LGR5: variants seen among roughly 807,000 people sequenced by gnomAD.
The protein encoded by LGR5 is leucine-rich repeat-containing G protein-coupled receptor 5.
Under a neutral mutation model 76.7 loss-of-function variants are expected in LGR5, and 54 were observed. That is an observed-to-expected ratio of 0.70 (90% CI 0.57 to 0.88). The LOEUF is 0.88. Ranked by LOEUF, LGR5 falls within the 40% of genes least tolerant of loss-of-function variation. LGR5 has a pLI of 0.00. For missense variants in LGR5, 1,078 were observed against 1,073.3 expected (o/e 1.00, Z -0.06); for synonymous variants, 406 against 421.9 (o/e 0.96, Z 0.46).
At chr12:71,505,765 T>C (rs1409183375) in intron 2 of LGR5, among the ~76,000 whole-genome samples, 1 of 152,254 alleles carries the variant, frequency 6.6e-6, no homozygotes, top group Non-Finnish European at 1.5e-5. Context: ...ATTGTTTTAC[T>C]ACCAAAATCA....
intron 2 of LGR5, among the ~76,000 whole-genome samples, chr12:71,510,162 G>A (rs1240191173): frequency 3.3e-5 from 5 of 152,144 alleles, no homozygotes; most frequent in Admixed American, 6.5e-5. Context: ...TCATGCCCAT[G>A]AATAATCTTC....
intron 4 of LGR5, among the ~76,000 whole-genome samples, chr12:71,550,629 T>A (rs1877434071): frequency 6.6e-6 from 1 of 151,780 alleles, no homozygotes; most frequent in African/African-American, 2.4e-5. Context: ...CCCAGCTAAT[T>A]TTTTTTGTAT....
chr12:71,536,237 G>A (rs563557807), intron 4 of LGR5, among the ~76,000 whole-genome samples: 10 of 152,118 alleles, frequency 6.6e-5, no homozygotes, highest in Non-Finnish European at 1.0e-4. Flanking sequence ...AGAATCCTTC[G>A]GTTAATAATT....
chr12:71,485,252 G>A (rs1873776301), intron 1 of LGR5, among the ~76,000 whole-genome samples: 1 of 152,080 alleles, frequency 6.6e-6, no homozygotes, highest in African/African-American at 2.4e-5. Flanking sequence ...ACATATATTA[G>A]CTCAATTATT....
At chr12:71,522,135 T>C (rs111895985) in intron 2 of LGR5, among the ~76,000 whole-genome samples, 2 of 152,336 alleles carry the variant, frequency 1.3e-5, no homozygotes, top group African/African-American at 4.8e-5. Flanking sequence ...GGTTCAGTTC[T>C]AGCACCCACT....
At chr12:71,571,145 G>A (rs1321809996) in intron 11 of LGR5, 1 of 156,240 alleles carries the variant, frequency 6.4e-6, no homozygotes, top group African/African-American at 2.4e-5. Flanking sequence ...AAACAACAAT[G>A]ATTTGTCTGA....
chr12:71,484,839 T>A (rs1238875288), intron 1 of LGR5, among the ~76,000 whole-genome samples: 2 of 152,208 alleles, frequency 1.3e-5, no homozygotes, highest in African/African-American at 4.8e-5. Context: ...ACTATTTCTA[T>A]CTATGGAGAT....
intron 1 of LGR5, among the ~76,000 whole-genome samples, chr12:71,489,787 G>T (rs1395199589): frequency 6.6e-6 from 1 of 152,132 alleles, no homozygotes; most frequent in Non-Finnish European, 1.5e-5. Flanking sequence ...CTTAGGCCAG[G>T]CATGGTGGCT....
intron 12 of LGR5, among the ~76,000 whole-genome samples, chr12:71,572,093 T>G (rs1878635551): frequency 6.6e-6 from 1 of 151,768 alleles, no homozygotes; most frequent in Non-Finnish European, 1.5e-5. Flanking sequence ...CTTTTTTTTT[T>G]TTTTTCTCAA....
chr12:71,477,415 A>G (rs190024898), intron 1 of LGR5, among the ~76,000 whole-genome samples: 2 of 151,000 alleles, frequency 1.3e-5, no homozygotes, highest in African/African-American at 2.4e-5. Context: ...AGTTCTTTAA[A>G]AAAACATGAA....
At chr12:71,535,725 G>A (rs1424780196) in intron 4 of LGR5, among the ~76,000 whole-genome samples, 1 of 152,118 alleles carries the variant, frequency 6.6e-6, no homozygotes, top group Admixed American at 6.6e-5. Context: ...GAACACAGAT[G>A]TGCAGACATG....
intron 3 of LGR5, among the ~76,000 whole-genome samples, chr12:71,526,202 A>G (rs546108504): frequency 1.3e-5 from 2 of 152,236 alleles, no homozygotes; most frequent in African/African-American, 4.8e-5. Context: ...CCAATGCTGT[A>G]TGTTTATTAA....
chr12:71,512,843 T>C (rs1353142536), intron 2 of LGR5, among the ~76,000 whole-genome samples: 2 of 152,134 alleles, frequency 1.3e-5, no homozygotes, highest in African/African-American at 4.8e-5. Flanking sequence ...TCAGTAACGT[T>C]GTTGGAATGT....
intron 15 of LGR5, 104 bp downstream of exon 15, chr12:71,579,033 A>C: frequency 9.7e-7 from 1 of 1,032,766 alleles, no homozygotes; most frequent in Non-Finnish European, 1.4e-6. Flanking sequence ...ACACTTTTGA[A>C]TTGCATTTCA....
At chr12:71,583,535 C>A in intron 17 of LGR5, 112 bp from the exon 18 acceptor site, 1 of 1,217,070 alleles carries the variant, frequency 8.2e-7, no homozygotes, top group Non-Finnish European at 1.2e-6. Context: ...TGTTATTAGG[C>A]TGTTTTTGAC....
intron 1 of LGR5, among the ~76,000 whole-genome samples, chr12:71,451,827 G>A (rs1872262708): frequency 6.6e-6 from 1 of 152,140 alleles, no homozygotes; most frequent in Non-Finnish European, 1.5e-5. Context: ...CCTAGGGCTA[G>A]GGAATTCCTG....
intron 1 of LGR5, among the ~76,000 whole-genome samples, chr12:71,496,122 A>G (rs1172585215): frequency 2.0e-5 from 3 of 152,216 alleles, no homozygotes; most frequent in Non-Finnish European, 4.4e-5. Context: ...CTGTAATCCC[A>G]GCACTTTGGG....
At chr12:71,545,389 T>C (rs115642614) in intron 4 of LGR5, among the ~76,000 whole-genome samples, 1,853 of 152,116 alleles carry the variant, frequency 0.012, 17 homozygotes, top group Middle Eastern at 0.034. Flanking sequence ...AGAGCAGAGG[T>C]TGCAGTGAGC....
At chr12:71,446,987 T>C (rs958414627) in intron 1 of LGR5, among the ~76,000 whole-genome samples, 3 of 152,192 alleles carry the variant, frequency 2.0e-5, no homozygotes, top group Admixed American at 1.3e-4. Flanking sequence ...AATAAAACTT[T>C]TTTCCTATAA....
Sources: gnomAD v4.1 joint callset for allele counts (sites outside exome capture counted in the v4.1 genomes callset) on GRCh38, gnomAD v4.1.1 for gene constraint, MANE v1.5 for transcripts, NCBI Gene and HGNC (gene_info 2026-07-23, HGNC 2026-07-21) for gene names.